Variants in CDKL2 observed in about 807,000 individuals in gnomAD.
The protein encoded by CDKL2 is cyclin-dependent kinase-like 2.
In CDKL2, 64 loss-of-function variants were observed where a neutral mutation model predicts 63.9. That is an observed-to-expected ratio of 1.00 (90% confidence interval 0.82 to 1.23). The LOEUF is 1.23. CDKL2 is among the 50% of genes most tolerant of loss of function. The pLI, the probability that CDKL2 is intolerant of heterozygous loss-of-function variation, is 0.00. For synonymous variants in CDKL2, 211 were observed against 229.2 expected (o/e 0.92, Z 0.72); for missense variants, 656 against 668.0 (o/e 0.98, Z 0.20).
chr4:75,609,858 T>C (rs1729605856), intron 3 of CDKL2, among the ~76,000 whole-genome samples: 1 of 151,874 alleles, frequency 6.6e-6, no homozygotes, highest in Non-Finnish European at 1.5e-5. Flanking sequence ...ACCCTAGATA[T>C]CAGTGATGAG....
rs565342246 is a variant in CDKL2 at position 75,628,351 on chromosome 4, G to A, written c.-30+1691C>T. On this transcript the variant is annotated intron_variant, in intron 1 of 13. Coordinates refer to ENST00000307465, the MANE Select transcript of CDKL2 (RefSeq NM_001330724.2). Reference sequence around the variant, plus strand: ...AGGATTGTATCGATCTCCTGACCTCGTGATCTGCCCGCCTCGGCCTCCGAA... The same window carrying A: ...AGGATTGTATCGATCTCCTGACCTCATGATCTGCCCGCCTCGGCCTCCGAA... 6.3e-4 allele frequency among the ~76,000 whole-genome samples: 96 copies of A among 152,210 alleles called. 1 individual carries two copies. The South Asian group carries it at 0.012, about 19-fold the overall frequency.
At chr4:75,611,951 G>C (rs568330326) in intron 3 of CDKL2, among the ~76,000 whole-genome samples, 42 of 151,562 alleles carry the variant, frequency 2.8e-4, no homozygotes, top group Admixed American at 4.6e-4. Context: ...ACTGTGCCTG[G>C]AGAAACACTA....
intron 1 of CDKL2, 105 bp downstream of exon 1, chr4:75,629,937 T>C (rs1730599744): frequency 5.5e-5 from 1 of 18,288 alleles, no homozygotes; most frequent in Non-Finnish European, 9.6e-5. Context: ...AAACTCCGTC[T>C]CAAAAAAAAA....
intron 13 of CDKL2, among the ~76,000 whole-genome samples, chr4:75,579,635 C>T (rs1490888626): frequency 6.6e-6 from 1 of 152,170 alleles, no homozygotes; most frequent in African/African-American, 2.4e-5. Context: ...GAGATCACGC[C>T]ATTGCACTCC....
At chr4:75,580,919 C>A (rs566249981) in intron 13 of CDKL2, among the ~76,000 whole-genome samples, 1 of 151,806 alleles carries the variant, frequency 6.6e-6, no homozygotes, top group African/African-American at 2.4e-5. Context: ...CCAGGATGGT[C>A]TCGATCTCCT....
chr4:75,616,177 G>A (rs1352846057), intron 2 of CDKL2, among the ~76,000 whole-genome samples: 2 of 151,924 alleles, frequency 1.3e-5, no homozygotes, highest in East Asian at 3.9e-4. Context: ...GGTAGCTTAT[G>A]CCTGTAATCC....
At chr4:75,588,155 C>T (rs1029553269) in intron 12 of CDKL2, among the ~76,000 whole-genome samples, 2 of 144,542 alleles carry the variant, frequency 1.4e-5, no homozygotes, top group Admixed American at 7.0e-5. Context: ...CGGAGGTTGC[C>T]GTGAGCCGAG....
intron 3 of CDKL2, 40 bp from the exon 4 acceptor site, chr4:75,607,401 T>A (rs762231272): frequency 6.5e-7 from 1 of 1,535,560 alleles, no homozygotes; most frequent in Non-Finnish European, 8.9e-7. Context: ...TAAATAAAAT[T>A]AATTATTTTG....
chr4:75,612,016 G>A (rs1282058153), intron 3 of CDKL2, among the ~76,000 whole-genome samples: 3 of 151,998 alleles, frequency 2.0e-5, no homozygotes, highest in African/African-American at 7.3e-5. Context: ...TGTTGCCCAG[G>A]CTGGAGGGCA....
intron 2 of CDKL2, among the ~76,000 whole-genome samples, chr4:75,616,907 AATGATGAGTGCACATAGAGGG>A (rs1729952792): frequency 6.6e-6 from 1 of 152,130 alleles, no homozygotes; most frequent in South Asian, 2.1e-4. Flanking sequence ...GTGGGAGCTA[AATGATGAGTGCACATAGAGGG>A]GAACAACACA....
At chr4:75,614,721 G>A (rs1205897444) in intron 2 of CDKL2, among the ~76,000 whole-genome samples, 2 of 151,522 alleles carry the variant, frequency 1.3e-5, no homozygotes, top group African/African-American at 4.8e-5. Flanking sequence ...AACTAAGAGG[G>A]ATCTATGACC....
chr4:75,577,306 TGATTACATCAACAA>T lies in CDKL2; in HGVS notation c.*1882_*1895del, dbSNP rs1161891617. Among the ~76,000 whole-genome samples, 1 of 152,146 alleles carries T rather than the reference TGATTACATCAACAA, an allele frequency of 6.6e-6. No homozygotes were observed. Among genetic ancestry groups the T allele is most frequent in the Non-Finnish European group, 1.5e-5 (1 of 68,012 alleles). Reference sequence around the variant, plus strand: ...ATTATTGTTGATTATGTAATCTTGTTGATTACATCAACAAGAATCACTGAAACCAATTTGCAGAA... The same window carrying T: ...ATTATTGTTGATTATGTAATCTTGTTGAATCACTGAAACCAATTTGCAGAA... On this transcript the variant is annotated 3_prime_UTR_variant, in exon 14 of 14. Coordinates refer to ENST00000307465, the MANE Select transcript of CDKL2 (RefSeq NM_001330724.2).
intron 3 of CDKL2, among the ~76,000 whole-genome samples, chr4:75,610,121 T>G (rs1729622726): frequency 6.6e-6 from 1 of 151,096 alleles, no homozygotes; most frequent in African/African-American, 2.4e-5. Context: ...GAGAATGGCG[T>G]GAACCTGGGA....
At chr4:75,625,010 A>G (rs919198175) in intron 2 of CDKL2, among the ~76,000 whole-genome samples, 4 of 152,252 alleles carry the variant, frequency 2.6e-5, no homozygotes, top group East Asian at 1.9e-4. Context: ...CTGAACTACA[A>G]TGAAAAGTAG....
At chr4:75,626,183 C>T (rs1024859392) in intron 1 of CDKL2, among the ~76,000 whole-genome samples, 166 bp from the exon 2 acceptor site, 1 of 152,108 alleles carries the variant, frequency 6.6e-6, no homozygotes, top group Non-Finnish European at 1.5e-5. Flanking sequence ...AGCTATGTTT[C>T]AAAATGGTCA....
At chr4:75,598,745 A>T (rs566230856) in intron 7 of CDKL2, among the ~76,000 whole-genome samples, 23 of 152,290 alleles carry the variant, frequency 1.5e-4, no homozygotes, top group Admixed American at 5.2e-4. Context: ...CTACAAACCG[A>T]AACACTATGG....
chr4:75,614,245 C>T lies in CDKL2; in HGVS notation c.363+10G>A, dbSNP rs553004390. On this transcript the variant is annotated intron_variant, in intron 3 of 13. Coordinates refer to ENST00000307465, the MANE Select transcript of CDKL2 (RefSeq NM_001330724.2). ...TGTGATAAAGCAAATTATTTAAACC[C>T]AATACTTACATTGTGACTGTGACAA... 17 of 1,535,940 alleles carry T rather than the reference C, an allele frequency of 1.1e-5. No individual in the cohort carries two copies. In the South Asian group the frequency reaches 1.5e-4, roughly 14 times the overall value.
intron 3 of CDKL2, among the ~76,000 whole-genome samples, chr4:75,611,458 CAAA>C (rs71203834): frequency 1.9e-3 from 147 of 76,720 alleles, no homozygotes; most frequent in African/African-American, 2.6e-3. Context: ...GATTCTGTCT[CAAA>C]AAAAAAAAAA....
chr4:75,588,630 T>C (rs757729615), intron 12 of CDKL2, among the ~76,000 whole-genome samples: 5 of 152,148 alleles, frequency 3.3e-5, no homozygotes, highest in Admixed American at 1.3e-4. Flanking sequence ...TAGGTAGAAA[T>C]AGAAATAAAC....
Sources: allele counts gnomAD v4.1 joint callset (sites outside exome capture counted in the v4.1 genomes callset), GRCh38; gene constraint gnomAD v4.1.1; transcripts MANE v1.5; gene names NCBI Gene and HGNC (gene_info 2026-07-23, HGNC 2026-07-21).